The following PPARGC1A variants were observed in gnomAD, a reference collection of about 807,000 sequenced individuals.
PPARGC1A encodes PPARG coactivator 1 alpha.
A neutral mutation model predicts 88.7 loss-of-function variants in PPARGC1A; 25 were observed. The ratio of observed to expected loss-of-function variants is 0.28; its 90% CI spans 0.21 to 0.39. The LOEUF (loss-of-function observed/expected upper bound fraction) is 0.39, where lower values mean the gene tolerates loss of function less well. PPARGC1A is among the 10% of genes least tolerant of loss of function. PPARGC1A has a pLI of 1.00. For synonymous variants in PPARGC1A, 363 were observed against 355.6 expected, an observed-to-expected ratio of 1.02 and a Z score of -0.24; for missense variants, 880 against 968.7, an observed-to-expected ratio of 0.91 and a Z score of 1.22.
At chr4:24,006,328 C>T in the PPARGC1A span, among the ~76,000 whole-genome samples, 4 of 152,166 alleles carry the variant, frequency 2.6e-5, no homozygotes, top group African/African-American at 9.7e-5. Flanking sequence ...GAATTACTGG[C>T]ATGAGGCACT....
chr4:23,927,652 C>A, the PPARGC1A span, among the ~76,000 whole-genome samples: 2 of 152,234 alleles, frequency 1.3e-5, no homozygotes, highest in African/African-American at 2.4e-5. Context: ...CTTGCAGTAG[C>A]CCCAGGCAGC....
chr4:23,903,121 G>C (rs1447929504), upstream of PPARGC1A, among the ~76,000 whole-genome samples: 1 of 152,086 alleles, frequency 6.6e-6, no homozygotes, highest in African/African-American at 2.4e-5. Context: ...ATCCTACACT[G>C]GGGGAAAGAT....
chr4:23,869,748 G>A (rs1044995062), intron 2 of PPARGC1A, among the ~76,000 whole-genome samples: 29 of 152,240 alleles, frequency 1.9e-4, no homozygotes, highest in African/African-American at 6.7e-4. Context: ...TTACAAGTGA[G>A]TTGTGCATTG....
the PPARGC1A span, among the ~76,000 whole-genome samples, chr4:24,472,005 GCGCGGCGCC>G: frequency 6.6e-6 from 1 of 152,214 alleles, no homozygotes; most frequent in Admixed American, 6.5e-5. The surrounding 1 kb of genome is among the most constrained non-coding windows in gnomAD (Gnocchi z 4.5). Flanking sequence ...GCGCACAGGG[GCGCGGCGCC>G]CGCGGCGACT....
chr4:24,339,889 C>T, the PPARGC1A span, among the ~76,000 whole-genome samples: 1 of 152,008 alleles, frequency 6.6e-6, no homozygotes, highest in Admixed American at 6.6e-5. Flanking sequence ...CAGGCGCCCA[C>T]CACCACCCCC....
chr4:23,822,454 G>C lies in PPARGC1A; in HGVS notation c.877+1826C>G, dbSNP rs79450964. On this transcript the variant is annotated intron_variant, in intron 7 of 12. Transcript: ENST00000264867. ...ATGATAGTATTGCCTAAATATTTCT[G>C]TCAGTCCTTTAACTGCCTTTATCAT... 2.8e-3 allele frequency among the ~76,000 whole-genome samples: 431 copies of C among 152,026 alleles called. 13 individuals are homozygous for C. The East Asian group carries it at 0.054, about 19-fold the overall frequency.
the PPARGC1A span, among the ~76,000 whole-genome samples, chr4:23,938,206 C>T: frequency 6.6e-6 from 1 of 151,904 alleles, no homozygotes; most frequent in Non-Finnish European, 1.5e-5. Context: ...CTGGTTCTTA[C>T]CTTGTATTTA....
the PPARGC1A span, among the ~76,000 whole-genome samples, chr4:24,054,598 A>G: frequency 6.6e-6 from 1 of 152,172 alleles, no homozygotes; most frequent in African/African-American, 2.4e-5. Flanking sequence ...ATTTTACATA[A>G]TTTTCATTTT....
chr4:24,332,142 G>GTTTTC, the PPARGC1A span, among the ~76,000 whole-genome samples: 1 of 151,302 alleles, frequency 6.6e-6, no homozygotes, highest in East Asian at 1.9e-4. Context: ...GTTTTGTTTT[G>GTTTTC]TTTTCATTTT....
At chr4:24,231,678 TA>T in the PPARGC1A span, among the ~76,000 whole-genome samples, 1 of 152,148 alleles carries the variant, frequency 6.6e-6, no homozygotes, top group Non-Finnish European at 1.5e-5. Context: ...TGTATTTCCA[TA>T]AGGAAACACA....
chr4:23,814,637 G>T, intron 7 of PPARGC1A, 32 bp from the exon 8 acceptor site: 1 of 1,125,374 alleles, frequency 8.9e-7, no homozygotes, highest in South Asian at 1.7e-5. Context: ...AAAAAAAAAA[G>T]AGAGAGAAAG....
At chr4:24,124,636 A>G in the PPARGC1A span, among the ~76,000 whole-genome samples, 4 of 152,038 alleles carry the variant, frequency 2.6e-5, no homozygotes, top group Admixed American at 1.3e-4. Flanking sequence ...ACAGTCTTCA[A>G]ATGACATTGG....
At chr4:24,067,431 A>G in the PPARGC1A span, among the ~76,000 whole-genome samples, 1 of 152,178 alleles carries the variant, frequency 6.6e-6, no homozygotes, top group Non-Finnish European at 1.5e-5. Context: ...GCCTCTCTCA[A>G]ATATACTTCC....
the PPARGC1A span, among the ~76,000 whole-genome samples, chr4:24,196,952 A>AGAG: frequency 6.6e-6 from 1 of 152,210 alleles, no homozygotes; most frequent in Non-Finnish European, 1.5e-5. Flanking sequence ...TATAAGCAGA[A>AGAG]GAGACAGTGT....
chr4:23,856,600 C>G (rs1399795691), intron 2 of PPARGC1A, among the ~76,000 whole-genome samples: 1 of 152,162 alleles, frequency 6.6e-6, no homozygotes, highest in African/African-American at 2.4e-5. Flanking sequence ...AGTCATTTCC[C>G]TTTAGCCTCT....
At chr4:23,994,463 T>A in the PPARGC1A span, among the ~76,000 whole-genome samples, 1 of 152,130 alleles carries the variant, frequency 6.6e-6, no homozygotes, top group Non-Finnish European at 1.5e-5. Flanking sequence ...TAGGCTCTCC[T>A]GGTGGAAATA....
At chr4:24,392,950 CAA>C in the PPARGC1A span, among the ~76,000 whole-genome samples, 1 of 151,824 alleles carries the variant, frequency 6.6e-6, no homozygotes, top group Non-Finnish European at 1.5e-5. Context: ...TCTTAGGCTT[CAA>C]ATGAAGAGCG....
At chr4:24,057,451 T>G in the PPARGC1A span, among the ~76,000 whole-genome samples, 1 of 88,266 alleles carries the variant, frequency 1.1e-5, no homozygotes, top group Non-Finnish European at 2.3e-5. Context: ...AAGGCTAAGA[T>G]GGTTTAAAAA....
the PPARGC1A span, among the ~76,000 whole-genome samples, chr4:24,054,730 C>T: frequency 0.89 from 135,456 of 152,256 alleles, 60,330 homozygotes; most frequent in Admixed American, 0.94. Context: ...TATAATCCCT[C>T]CAGAACTTCA....
Sources: allele counts gnomAD v4.1 joint callset (sites outside exome capture counted in the v4.1 genomes callset), GRCh38; gene constraint gnomAD v4.1.1; non-coding constraint Gnocchi (gnomAD v3.1); transcripts MANE v1.5; gene names NCBI Gene and HGNC (gene_info 2026-07-23, HGNC 2026-07-21).